Variants in NCOA5 observed in about 807,000 individuals in gnomAD.
The protein encoded by NCOA5 is nuclear receptor coactivator 5.
A neutral mutation model predicts 59.0 loss-of-function variants in NCOA5; 12 were observed. That is an observed-to-expected ratio of 0.20 (90% CI 0.13 to 0.33). The LOEUF (loss-of-function observed/expected upper bound fraction) is 0.33, where lower values mean the gene tolerates loss of function less well. NCOA5 is among the 10% of genes least tolerant of loss of function. The pLI is 1.00. For missense variants in NCOA5, 655 were observed against 766.6 expected (o/e 0.85, Z 1.72); for synonymous variants, 270 against 275.5 (o/e 0.98, Z 0.20).
At chr20:46,082,925 CAG>C (rs2085006850) in intron 1 of NCOA5, among the ~76,000 whole-genome samples, 1 of 152,186 alleles carries the variant, frequency 6.6e-6, no homozygotes, top group African/African-American at 2.4e-5. Flanking sequence ...ATATGCCAGA[CAG>C]GGGTCACAAA....
intron 7 of NCOA5, among the ~76,000 whole-genome samples, 172 bp from the exon 8 acceptor site, chr20:46,063,061 A>T (rs2084784778): frequency 6.6e-6 from 1 of 152,238 alleles, no homozygotes. Flanking sequence ...TACAGAAAAC[A>T]ATAGGCTAGT....
chr20:46,062,608 G>C lies in NCOA5; in HGVS notation c.1432C>G (p.Gln478Glu). 1 of 1,614,232 alleles carries C rather than the reference G, an allele frequency of 6.2e-7. No homozygotes were observed. Among genetic ancestry groups the C allele is most frequent in the African/African-American group, 1.3e-5 (1 of 75,060 alleles). ...AANSQPQQRS[Q>E]ASGNQPPSIL... is the part of the protein sequence containing the mutation. ...CTTGGAGGCTGATTGCCAGAAGCCT[G>C]TGATCTTTGTTGAGGCTGGCTGTTT... Residue 478 changes from glutamine to glutamate, a missense_variant, in exon 8 of 8, where the codon CAG becomes GAG. By Grantham distance (29) the Gln-to-Glu change is conservative. Transcript: ENST00000290231.
intron 1 of NCOA5, among the ~76,000 whole-genome samples, chr20:46,080,135 T>C (rs1237236952): frequency 6.6e-6 from 1 of 152,156 alleles, no homozygotes; most frequent in African/African-American, 2.4e-5. Flanking sequence ...TCCTCCTAAG[T>C]TGTTTTCATT....
chr20:46,088,244 T>C (rs922427990), intron 1 of NCOA5, among the ~76,000 whole-genome samples: 2 of 152,236 alleles, frequency 1.3e-5, no homozygotes, highest in African/African-American at 2.4e-5. Flanking sequence ...CCAATGAGCC[T>C]TGCAATATGG....
At chr20:46,080,679 C>A (rs1054466691) in intron 1 of NCOA5, among the ~76,000 whole-genome samples, 3 of 152,030 alleles carry the variant, frequency 2.0e-5, no homozygotes, top group African/African-American at 7.2e-5. Flanking sequence ...AATCAGAAGT[C>A]TCTAATTTGT....
rs1173720303 is a variant in NCOA5, at chr20:46,063,445, G to A, written c.1065C>T (p.Leu355=). Residue 355 remains leucine (L), a synonymous_variant, in exon 7 of 8, where the codon CTC becomes CTT. Transcript: ENST00000290231. ...LINLLADNRY[L]TAEETDKIIN... Reference sequence around the variant, plus strand: ...TGATCTTGTCAGTCTCTTCAGCAGTGAGGTACCTGTTGTCTGCCAGCAGGT... The same window carrying A: ...TGATCTTGTCAGTCTCTTCAGCAGTAAGGTACCTGTTGTCTGCCAGCAGGT... 2.5e-6 allele frequency: 4 copies of A among 1,614,198 alleles called. No homozygotes were observed. The highest frequency in any genetic ancestry group is 3.4e-6 in the Non-Finnish European group (4 of 1,180,046).
In NCOA5 at chr20:46,062,369, C is replaced by A; in HGVS notation, c.1671G>T (p.Leu557=). The change falls in exon 8 of 8, where the codon CTG becomes CTT. Residue 557 remains leucine (L), a synonymous_variant. Transcript: ENST00000290231. ...LIQSGPALSH[L]VSQTTAQMGQ... is the part of the protein sequence containing the mutation. ...CCATCTGTGCTGTGGTCTGGCTAAC[C>A]AGGTGGGAGAGAGCAGGGCCACTCT... The A allele has an allele frequency of 6.2e-7, 1 of 1,614,076 alleles. No homozygotes were observed. Among genetic ancestry groups the A allele is most frequent in the South Asian group, 1.1e-5 (1 of 91,052 alleles).
rs1176442373 is a variant in NCOA5 at position 46,079,426 on chromosome 20, T to C, written c.-2A>G. On this transcript the variant is annotated 5_prime_UTR_variant, in exon 2 of 8. Coordinates refer to ENST00000290231, the MANE Select transcript of NCOA5 (RefSeq NM_020967.3). ...GGGTCTTGATGGAGCCGTATTCATA[T>C]TTCTTCTTTCCGCTGCCTTATTAAT... 6.2e-7 allele frequency: 1 copy of C among 1,613,900 alleles called. No individual in the cohort carries two copies. The highest frequency in any genetic ancestry group is 8.5e-7 in the Non-Finnish European group (1 of 1,179,944).
At chr20:46,081,052 T>C (rs1320526436) in intron 1 of NCOA5, among the ~76,000 whole-genome samples, 2 of 152,160 alleles carry the variant, frequency 1.3e-5, no homozygotes, top group Non-Finnish European at 2.9e-5. Context: ...TTTCTAATTA[T>C]ATAGGTTGGC....
At chr20:46,089,280 CCA>C (rs201691982) in intron 1 of NCOA5, among the ~76,000 whole-genome samples, 1,748 of 152,330 alleles carry the variant, frequency 0.011, 33 homozygotes, top group African/African-American at 0.04. Flanking sequence ...GGGTGTCACA[CCA>C]CAAGGAGACA....
chr20:46,075,254 CA>C (rs1436568369), intron 2 of NCOA5, among the ~76,000 whole-genome samples: 1 of 152,218 alleles, frequency 6.6e-6, no homozygotes, highest in Non-Finnish European at 1.5e-5. Context: ...TTCTCCAGCA[CA>C]AACAGAACTT....
chr20:46,063,572 G>A lies in NCOA5; in HGVS notation c.938C>T (p.Ala313Val). ...EKEREEIARQ[A>V]AKMADEAILQ... is the part of the protein sequence containing the mutation. ...GATGGCTTCATCGGCCATCTTGGCT[G>A]CCTGTCTGGCAATCTCCTCACGTTC... Residue 313 changes from alanine to valine, a missense_variant, in exon 7 of 8, where the codon GCA becomes GTA. Around this residue, in one of 3 missense-constraint regions of NCOA5, gnomAD observed 325 missense variants for 353.2 expected, o/e 0.92. Coordinates refer to ENST00000290231, the MANE Select transcript of NCOA5 (RefSeq NM_020967.3). The A allele has an allele frequency of 6.2e-7, 1 of 1,614,112 alleles. No homozygotes were observed. Among genetic ancestry groups the A allele is most frequent in the Non-Finnish European group, 8.5e-7 (1 of 1,180,030 alleles).
chr20:46,067,232 A>T, intron 4 of NCOA5, 51 bp from the exon 5 acceptor site: 1 of 1,581,362 alleles, frequency 6.3e-7, no homozygotes, highest in Admixed American at 1.9e-5. Flanking sequence ...CCCTCATTTT[A>T]AATCCTGAGC....
chr20:46,065,019 G>A lies in NCOA5; in HGVS notation c.829+10C>T, dbSNP rs1462083281. 6.2e-7 allele frequency: 1 copy of A among 1,613,832 alleles called. No individual in the cohort carries two copies. Among genetic ancestry groups the A allele is most frequent in the African/African-American group, 1.3e-5 (1 of 74,924 alleles). ...GACTAGTGACTACCTCCGGTATTCT[G>A]ACTCTGTACCTTGCGGGGTTCCAAA... On this transcript the variant is annotated intron_variant, in intron 6 of 7. Transcript: ENST00000290231.
intron 6 of NCOA5, 29 bp downstream of exon 6, chr20:46,065,000 T>A (rs1476430713): frequency 6.2e-7 from 1 of 1,612,114 alleles, no homozygotes; most frequent in Admixed American, 1.7e-5. Flanking sequence ...AATGGACTAG[T>A]GACTACCTCC....
intron 5 of NCOA5, 130 bp downstream of exon 5, chr20:46,066,925 G>A: frequency 9.3e-7 from 1 of 1,078,736 alleles, no homozygotes; most frequent in Non-Finnish European, 1.3e-6. Context: ...ATAACTGAAA[G>A]AACCCTGGCT....
chr20:46,067,010 T>C, intron 5 of NCOA5, 45 bp downstream of exon 5: 1 of 1,601,318 alleles, frequency 6.2e-7, no homozygotes, highest in Non-Finnish European at 8.5e-7. Flanking sequence ...CCTGAATTTC[T>C]CTGACTCTTC....
rs2084777967 is a variant in NCOA5 at position 46,062,551 on chromosome 20, T to C, written c.1489A>G (p.Met497Val). The C allele has an allele frequency of 6.2e-7, 1 of 1,614,198 alleles. No homozygotes were observed. The highest frequency in any genetic ancestry group is 1.1e-5 in the South Asian group (1 of 91,084). Residue 497 changes from methionine (M) to valine (V), a missense_variant, in exon 8 of 8, where the codon ATG (methionine) becomes GTG (valine). By Grantham distance (21) the Met-to-Val change is conservative. Around this residue, in one of 3 missense-constraint regions of NCOA5, gnomAD observed 325 missense variants for 353.2 expected, o/e 0.92. Transcript: ENST00000290231. ...GAAGGAGCCCCAGGTCTGGGGCCCA[T>C]GTTCTGAGCAGATCCTCCCTGTCCC... is the stretch of plus-strand genomic sequence containing the variant. The part of the protein sequence containing the change: ...ILGQGGSAQN[M>V]GPRPGAPSQG...
At chr20:46,078,477 GTAGTT>G (rs2084960768) in intron 2 of NCOA5, among the ~76,000 whole-genome samples, 1 of 151,004 alleles carries the variant, frequency 6.6e-6, no homozygotes, top group South Asian at 2.1e-4. Flanking sequence ...ACTGTGGTAC[GTAGTT>G]TAGTTATGTT....
Sources: gnomAD v4.1 joint callset for allele counts (sites outside exome capture counted in the v4.1 genomes callset) on GRCh38, gnomAD v4.1.1 for gene constraint, gnomAD v4.1.1 regional missense constraint, MANE v1.5 for transcripts, NCBI Gene and HGNC (gene_info 2026-07-23, HGNC 2026-07-21) for gene names.